The following SGCZ variants were observed in gnomAD, a reference collection of about 807,000 sequenced individuals.
SGCZ encodes zeta-sarcoglycan.
A neutral mutation model predicts 41.3 loss-of-function variants in SGCZ; 40 were observed. That is an observed-to-expected ratio of 0.97 (90% CI 0.75 to 1.26). The LOEUF (loss-of-function observed/expected upper bound fraction) is 1.26. Ranked by LOEUF, SGCZ falls within the 50% of genes most tolerant of loss-of-function variation. The pLI, the probability that SGCZ is intolerant of heterozygous loss-of-function variation, is 0.00. For missense variants in SGCZ, 552 were observed against 369.8 expected (o/e 1.49, Z -4.04); for synonymous variants, 206 against 137.5 (o/e 1.50, Z -3.49).
chr8:15,127,398 A>C (rs1380496060), intron 1 of SGCZ, among the ~76,000 whole-genome samples: 5 of 152,184 alleles, frequency 3.3e-5, no homozygotes, highest in Non-Finnish European at 7.3e-5. Flanking sequence ...TGTCCTGTAT[A>C]AATATTTCAA....
chr8:15,164,925 G>A (rs1799614603), intron 1 of SGCZ, among the ~76,000 whole-genome samples: 1 of 152,066 alleles, frequency 6.6e-6, no homozygotes, highest in East Asian at 1.9e-4. Flanking sequence ...TCCCAGCCCT[G>A]TCTCTTAAAG....
At chr8:14,703,963 G>A (rs1005876118) in intron 1 of SGCZ, among the ~76,000 whole-genome samples, 3 of 151,980 alleles carry the variant, frequency 2.0e-5, no homozygotes, top group African/African-American at 7.2e-5. Flanking sequence ...AGATGTCAGT[G>A]AACTGAATTG....
intron 1 of SGCZ, among the ~76,000 whole-genome samples, chr8:15,067,900 C>T (rs765882013): frequency 7.2e-5 from 11 of 152,040 alleles, no homozygotes; most frequent in Non-Finnish European, 1.2e-4. Context: ...ACACATTAGA[C>T]AGGTAATGGG....
chr8:14,979,592 C>A (rs896243895), intron 1 of SGCZ, among the ~76,000 whole-genome samples: 3 of 152,144 alleles, frequency 2.0e-5, no homozygotes, highest in Non-Finnish European at 4.4e-5. Context: ...AATAAAGCAA[C>A]CTTGGCCATA....
At chr8:14,546,209 C>T (rs1168127174) in intron 2 of SGCZ, among the ~76,000 whole-genome samples, 1 of 152,170 alleles carries the variant, frequency 6.6e-6, no homozygotes, top group African/African-American at 2.4e-5. Flanking sequence ...GCTGCTGGTG[C>T]TCGCAGGCAG....
At chr8:14,612,621 T>C (rs1198335940) in intron 1 of SGCZ, among the ~76,000 whole-genome samples, 2 of 152,202 alleles carry the variant, frequency 1.3e-5, no homozygotes, top group African/African-American at 4.8e-5. Flanking sequence ...GATATTTTTA[T>C]GAGGACAGGT....
chr8:14,845,043 T>C (rs964051481), intron 1 of SGCZ, among the ~76,000 whole-genome samples: 2 of 152,146 alleles, frequency 1.3e-5, no homozygotes, highest in Non-Finnish European at 2.9e-5. Context: ...AAGAGCTGCA[T>C]AGAGGGTGAA....
rs571622082 is a variant in SGCZ, at chr8:14,361,648, T to C, written c.235-37444A>G. On this transcript the variant is annotated intron_variant, in intron 2 of 7. Coordinates refer to ENST00000382080, the MANE Select transcript of SGCZ (RefSeq NM_139167.4). ...ACATGCTCCGTTAGCTCAGAGAAGT[T>C]TGTTATTACCGACCTTCGGAAGCCT... Among the ~76,000 whole-genome samples the C allele has an allele frequency of 2.0e-5, 3 of 152,304 alleles. No homozygotes were observed. In the South Asian group the frequency reaches 6.2e-4, roughly 32 times the overall value.
chr8:14,842,639 C>T (rs1025273842), intron 1 of SGCZ, among the ~76,000 whole-genome samples: 2 of 152,004 alleles, frequency 1.3e-5, no homozygotes, highest in Non-Finnish European at 2.9e-5. Flanking sequence ...TGCTTATAAG[C>T]CTGTTTAAGA....
intron 2 of SGCZ, among the ~76,000 whole-genome samples, chr8:14,479,744 T>TTTCTTTTTC (rs1801476258): frequency 8.0e-5 from 7 of 87,916 alleles, no homozygotes; most frequent in African/African-American, 2.7e-4. Context: ...TTTTTTTTTT[T>TTTCTTTTTC]TTTTTTTTTT....
At chr8:14,877,896 GT>G (rs143966568) in intron 1 of SGCZ, among the ~76,000 whole-genome samples, 104 of 149,350 alleles carry the variant, frequency 7.0e-4, no homozygotes, top group South Asian at 3.2e-3. Flanking sequence ...ATGCAAAAGG[GT>G]TTTTTTTTTC....
intron 1 of SGCZ, among the ~76,000 whole-genome samples, chr8:14,821,113 T>G (rs944917487): frequency 4.0e-5 from 6 of 151,566 alleles, no homozygotes; most frequent in Admixed American, 6.6e-5. Context: ...TCAAATAAAA[T>G]CAGAGATGAA....
chr8:14,094,205 C>T (rs113753209), intron 7 of SGCZ, among the ~76,000 whole-genome samples: 40,199 of 151,864 alleles, frequency 0.26, 5,656 homozygotes, highest in African/African-American at 0.34. Context: ...AGGTTTGTTA[C>T]ATAGGTATTC....
intron 1 of SGCZ, among the ~76,000 whole-genome samples, chr8:15,103,884 T>G (rs116520408): frequency 6.6e-6 from 1 of 151,814 alleles, no homozygotes; most frequent in African/African-American, 2.4e-5. Flanking sequence ...ACGAAGCAAA[T>G]AGAAAAAGTG....
At chr8:14,935,100 T>C (rs939692613) in intron 1 of SGCZ, among the ~76,000 whole-genome samples, 1 of 150,806 alleles carries the variant, frequency 6.6e-6, no homozygotes, top group Admixed American at 6.6e-5. Context: ...ATGATGAAAA[T>C]AAAACACAAA....
intron 1 of SGCZ, among the ~76,000 whole-genome samples, chr8:14,926,981 C>T (rs1024742324): frequency 1.3e-5 from 2 of 151,762 alleles, no homozygotes; most frequent in Non-Finnish European, 2.9e-5. Flanking sequence ...AAAGTCTTTC[C>T]TTACATTTCC....
intron 1 of SGCZ, among the ~76,000 whole-genome samples, chr8:15,225,315 A>G (rs1451710195): frequency 6.6e-6 from 1 of 152,338 alleles, no homozygotes; most frequent in South Asian, 2.1e-4. Flanking sequence ...ACACAAAAAA[A>G]AAGATATATC....
At chr8:14,840,355 T>C (rs1440720756) in intron 1 of SGCZ, among the ~76,000 whole-genome samples, 1 of 152,132 alleles carries the variant, frequency 6.6e-6, no homozygotes, top group Non-Finnish European at 1.5e-5. Flanking sequence ...AATCAATAAC[T>C]GAATCAATAA....
chr8:14,729,082 A>C (rs1810149636), intron 1 of SGCZ, among the ~76,000 whole-genome samples: 1 of 152,176 alleles, frequency 6.6e-6, no homozygotes, highest in Non-Finnish European at 1.5e-5. Context: ...TCATATTACC[A>C]TGTGACAAAT....
Sources: allele counts gnomAD v4.1 joint callset (sites outside exome capture counted in the v4.1 genomes callset), GRCh38; gene constraint gnomAD v4.1.1; transcripts MANE v1.5; gene names NCBI Gene and HGNC (gene_info 2026-07-23, HGNC 2026-07-21).